The following ATRNL1 variants were observed in gnomAD, a reference collection of about 807,000 sequenced individuals.
ATRNL1 encodes attractin-like protein 1.
Under a neutral mutation model 182.7 loss-of-function variants are expected in ATRNL1, and 95 were observed. The observed-to-expected ratio is 0.52, with a 90% CI of 0.44 to 0.62. The LOEUF is 0.62. ATRNL1 is among the 20% of genes least tolerant of loss of function. The pLI is 0.00. For synonymous variants in ATRNL1, 576 were observed against 568.3 expected (o/e 1.01, Z -0.19); for missense variants, 1,471 against 1,679.5 (o/e 0.88, Z 2.17).
chr10:115,172,502 C>T (rs1442728300), intron 8 of ATRNL1, among the ~76,000 whole-genome samples: 2 of 151,962 alleles, frequency 1.3e-5, no homozygotes, highest in East Asian at 3.8e-4. Context: ...ATTTCTTGAT[C>T]TACCAAAGAT....
At chr10:115,885,060 TTACCAGG>T (rs1951911085) in intron 28 of ATRNL1, among the ~76,000 whole-genome samples, 1 of 152,206 alleles carries the variant, frequency 6.6e-6, no homozygotes, top group Non-Finnish European at 1.5e-5. Context: ...AGAATAGAAA[TTACCAGG>T]TACTTATCCC....
chr10:115,638,335 C>T (rs1859025640), intron 26 of ATRNL1, among the ~76,000 whole-genome samples: 1 of 152,226 alleles, frequency 6.6e-6, no homozygotes, highest in East Asian at 1.9e-4. Context: ...ATGATGTTCT[C>T]ACAATGACAA....
rs1304766812 is a variant in ATRNL1 at position 115,380,328 on chromosome 10, G to A, written c.3176-14331G>A. On this transcript the variant is annotated intron_variant, in intron 19 of 28. Coordinates refer to ENST00000355044, the MANE Select transcript of ATRNL1 (RefSeq NM_207303.4). ...TCTACAGTATTTCATAATACGGCAA[G>A]TACTGATGATTTTTCAAACATCTCT... Among the ~76,000 whole-genome samples, 7 of 152,076 alleles carry A rather than the reference G, an allele frequency of 4.6e-5. No homozygotes were observed. The East Asian group carries it at 1.3e-3, about 29-fold the overall frequency.
chr10:115,848,552 A>C (rs781923965), intron 28 of ATRNL1, among the ~76,000 whole-genome samples: 15 of 152,258 alleles, frequency 9.9e-5, no homozygotes, highest in Non-Finnish European at 1.6e-4. Context: ...TTAGGTGGGC[A>C]CAGCCAGCCT....
At chr10:115,693,168 A>T (rs1287990824) in intron 26 of ATRNL1, among the ~76,000 whole-genome samples, 4 of 152,142 alleles carry the variant, frequency 2.6e-5, no homozygotes, top group African/African-American at 9.7e-5. Flanking sequence ...TTATGATTAT[A>T]TATAGTAATA....
intron 27 of ATRNL1, among the ~76,000 whole-genome samples, chr10:115,782,610 GAGAAAA>G (rs1555079556): frequency 6.6e-6 from 1 of 152,170 alleles, no homozygotes; most frequent in East Asian, 1.9e-4. Context: ...GCTCTGAAAA[GAGAAAA>G]GGGCTGAGAA....
intron 27 of ATRNL1, among the ~76,000 whole-genome samples, chr10:115,742,726 T>G (rs1246861744): frequency 2.6e-5 from 4 of 152,184 alleles, no homozygotes; most frequent in Non-Finnish European, 5.9e-5. Context: ...ATTATCTTCC[T>G]TACTGGTTTC....
rs117043110 is a variant in ATRNL1, at chr10:115,431,080, A to T, written c.3322+4778A>T. On this transcript the variant is annotated intron_variant, in intron 21 of 28. Transcript: ENST00000355044. ...ATGTTCTTGGCACACACTGACGCTCAATGTTTAGATTTTAATTGATCAAGA... is the reference window on the plus strand; with the variant it reads ...ATGTTCTTGGCACACACTGACGCTCTATGTTTAGATTTTAATTGATCAAGA... Among the ~76,000 whole-genome samples the T allele has an allele frequency of 5.6e-3, 847 of 152,204 alleles. 9 individuals carry two copies. The highest frequency in any genetic ancestry group is 0.024 in the Middle Eastern group (7 of 294).
chr10:115,886,153 G>C (rs1156557147), intron 28 of ATRNL1, among the ~76,000 whole-genome samples: 6 of 152,098 alleles, frequency 3.9e-5, no homozygotes, highest in Admixed American at 2.0e-4. Context: ...AGGACAAATG[G>C]AAGTTCAAAT....
intron 5 of ATRNL1, among the ~76,000 whole-genome samples, chr10:115,136,754 T>A (rs564523966): frequency 6.6e-6 from 1 of 152,348 alleles, no homozygotes; most frequent in South Asian, 2.1e-4. Flanking sequence ...TTCCTCCATG[T>A]CTTTTTATGG....
chr10:115,164,021 A>G (rs1306820016), intron 6 of ATRNL1, among the ~76,000 whole-genome samples: 1 of 152,140 alleles, frequency 6.6e-6, no homozygotes, highest in Admixed American at 6.5e-5. Context: ...AATTCATTGG[A>G]GGAAGAAAGA....
chr10:115,560,978 A>G (rs1467948699), intron 26 of ATRNL1, among the ~76,000 whole-genome samples: 3 of 152,306 alleles, frequency 2.0e-5, no homozygotes, highest in Middle Eastern at 3.4e-3. Flanking sequence ...TGGACCCATT[A>G]CTCGTATCAC....
At position 115,743,229 on chromosome 10, in the gene ATRNL1, C is replaced by G. The variant is rs988903455; in HGVS notation, c.3903+15874C>G. Among the ~76,000 whole-genome samples, 2 of 75,900 alleles carry G rather than the reference C, an allele frequency of 2.6e-5. 1 individual carries two copies. The highest frequency in any genetic ancestry group is 1.0e-4 in the African/African-American group (2 of 19,128). The allele number at this position is 75,900 out of a possible 152,430, so 49.8% of individuals were successfully genotyped here. A position where few individuals can be genotyped will look rare whatever the true frequency, so the allele number is the denominator to read the frequency against. ...CAGACAAACCATATTAGCTTCCTAT[C>G]TCTTATAGTAAAAAAAAAAAAAAAA... On this transcript the variant is annotated intron_variant, in intron 27 of 28. Coordinates refer to ENST00000355044, the MANE Select transcript of ATRNL1 (RefSeq NM_207303.4).
chr10:115,556,997 C>T (rs1221012147), intron 26 of ATRNL1, among the ~76,000 whole-genome samples: 7 of 151,726 alleles, frequency 4.6e-5, no homozygotes, highest in Non-Finnish European at 2.9e-5. Context: ...ATTATTAAAG[C>T]CCTCAAATGT....
rs191536140 is a variant in ATRNL1 at position 115,297,274 on chromosome 10, C to G, written c.2416-2760C>G. Among the ~76,000 whole-genome samples the G allele has an allele frequency of 2.1e-3, 314 of 152,210 alleles. 1 individual carries two copies. Among genetic ancestry groups the G allele is most frequent in the Non-Finnish European group, 3.3e-3 (225 of 68,026 alleles). ...AAAGTATTATTTTTAGCATATGGGA[C>G]AAACAACATAAGTTAAAATCTGTTT... is the stretch of plus-strand genomic sequence containing the variant. On this transcript the variant is annotated intron_variant, in intron 15 of 28. Transcript: ENST00000355044.
chr10:115,659,393 C>T (rs1318405465), intron 26 of ATRNL1, among the ~76,000 whole-genome samples: 1 of 152,058 alleles, frequency 6.6e-6, no homozygotes, highest in Non-Finnish European at 1.5e-5. Context: ...TGACATTGTG[C>T]ATATAGCTCC....
chr10:115,584,077 A>T (rs1592895597), intron 26 of ATRNL1, among the ~76,000 whole-genome samples: 1 of 152,126 alleles, frequency 6.6e-6, no homozygotes, highest in East Asian at 1.9e-4. Flanking sequence ...GTATTCAACC[A>T]GCCTTGCATC....
intron 19 of ATRNL1, among the ~76,000 whole-genome samples, chr10:115,348,292 T>G (rs1856069327): frequency 6.6e-6 from 1 of 152,116 alleles, no homozygotes; most frequent in African/African-American, 2.4e-5. Flanking sequence ...TTTTAGTGTC[T>G]TAGTTTTCTC....
chr10:115,925,797 C>T (rs1314200075), intron 28 of ATRNL1, among the ~76,000 whole-genome samples: 1 of 152,108 alleles, frequency 6.6e-6, no homozygotes, highest in Non-Finnish European at 1.5e-5. Flanking sequence ...GAGACTTAGA[C>T]TCCCACACAA....
Sources: allele counts gnomAD v4.1 joint callset (sites outside exome capture counted in the v4.1 genomes callset), GRCh38; gene constraint gnomAD v4.1.1; transcripts MANE v1.5; gene names NCBI Gene and HGNC (gene_info 2026-07-23, HGNC 2026-07-21).